The following MCPH1 variants were observed in gnomAD, a reference collection of about 807,000 sequenced individuals.
MCPH1 encodes the protein microcephalin.
A neutral mutation model predicts 84.5 loss-of-function variants in MCPH1; 104 were observed. That is an observed-to-expected ratio of 1.23 (90% CI 1.05 to 1.45). The LOEUF (loss-of-function observed/expected upper bound fraction) is 1.45. Among genes scored for constraint, MCPH1 ranks in the 40% most tolerant of loss-of-function variants. The probability of loss-of-function intolerance (pLI) is 0.00; values close to 1 mark genes in which losing one functional copy is unlikely to be tolerated. For missense variants in MCPH1, 1,498 were observed against 1,005.7 expected, an observed-to-expected ratio of 1.49 and a Z score of -6.62; for synonymous variants, 514 against 366.8, an observed-to-expected ratio of 1.40 and a Z score of -4.58.
intron 10 of MCPH1, among the ~76,000 whole-genome samples, chr8:6,479,140 G>A (rs1189981324): frequency 6.6e-6 from 1 of 152,122 alleles, no homozygotes; most frequent in African/African-American, 2.4e-5. Context: ...GTGGTGAATT[G>A]CCTATAGTCC....
In MCPH1 at chr8:6,632,121, A is replaced by G. The variant is rs1182893607; in HGVS notation, c.2452+10430A>G. ...TCATACGACTACACTTATAAGAGGA[A>G]CTTAGAATAGACAAAGTCACAGAGA... is the stretch of plus-strand genomic sequence containing the variant. On this transcript the variant is annotated intron_variant, in intron 13 of 13. Transcript: ENST00000344683. Among the ~76,000 whole-genome samples, 11 of 152,366 alleles carry G rather than the reference A, an allele frequency of 7.2e-5. No individual in the cohort carries two copies. In the South Asian group the frequency reaches 2.1e-3, roughly 29 times the overall value.
At chr8:6,489,135 C>A (rs1039175387) in intron 11 of MCPH1, among the ~76,000 whole-genome samples, 1 of 152,080 alleles carries the variant, frequency 6.6e-6, no homozygotes, top group Non-Finnish European at 1.5e-5. Context: ...GAGATTCCTA[C>A]TGGACATTCA....
At chr8:6,642,949 G>C (rs1351322190) in intron 13 of MCPH1, 45 bp from the exon 14 acceptor site, 1 of 1,560,524 alleles carries the variant, frequency 6.4e-7, no homozygotes, top group Admixed American at 1.7e-5. Context: ...TTTCCTATGT[G>C]GCTGGCTATT....
At chr8:6,500,132 G>C in intron 12 of MCPH1, 1 of 578,516 alleles carries the variant, frequency 1.7e-6, no homozygotes, top group Non-Finnish European at 3.1e-6. Flanking sequence ...GCAAAAAGTA[G>C]TGAGGAATGC....
At chr8:6,561,314 T>G (rs1272015598) in intron 12 of MCPH1, among the ~76,000 whole-genome samples, 3 of 152,172 alleles carry the variant, frequency 2.0e-5, no homozygotes, top group Non-Finnish European at 4.4e-5. Context: ...TTTTGGTAAG[T>G]TTTTGTTGTT....
intron 12 of MCPH1, chr8:6,621,145 T>G: frequency 2.4e-6 from 1 of 414,058 alleles, no homozygotes; most frequent in Non-Finnish European, 4.5e-6. Context: ...TAGCTATGGC[T>G]CTGCTGTGCT....
At chr8:6,524,965 C>T (rs1456498181) in intron 12 of MCPH1, among the ~76,000 whole-genome samples, 1 of 152,226 alleles carries the variant, frequency 6.6e-6, no homozygotes, top group African/African-American at 2.4e-5. Flanking sequence ...TGCTGTGGAC[C>T]TCAGGTGCAT....
rs77167947 is a variant in MCPH1 at position 6,556,055 on chromosome 8, C to T, written c.2214+56126C>T. ...CTGATGCTGGCCTAGGAGTGCCCTG[C>T]ACTCGTCTCAAGATCGATGTCCCAG... On this transcript the variant is annotated intron_variant, in intron 12 of 13. Transcript: ENST00000344683. 4.3e-4 allele frequency among the ~76,000 whole-genome samples: 65 copies of T among 152,316 alleles called. 1 individual carries two copies. In the East Asian group the frequency reaches 0.01, roughly 24 times the overall value.
chr8:6,480,820 A>T lies in MCPH1; in HGVS notation c.2080A>T (p.Thr694Ser). ...CGTGCTTTCCGGGAAGCCACTTCGC[A>T]CCCTGAATGTGCTGCTGGGAATTGC... is the stretch of plus-strand genomic sequence containing the variant. ...THVLSGKPLRTLNVLLGIARG... is the reference protein window; with the variant it reads ...THVLSGKPLRSLNVLLGIARG... The change falls in exon 11 of 14, where the codon ACC (threonine) becomes TCC (serine). Residue 694 changes from threonine to serine, a missense_variant. Transcript: ENST00000344683. The T allele has an allele frequency of 6.2e-7, 1 of 1,614,176 alleles. No individual in the cohort carries two copies. Among genetic ancestry groups the T allele is most frequent in the Non-Finnish European group, 8.5e-7 (1 of 1,180,024 alleles).
At chr8:6,532,507 G>C in intron 12 of MCPH1, 1 of 1,569,728 alleles carries the variant, frequency 6.4e-7, no homozygotes, top group East Asian at 2.3e-5. Context: ...AACAGTGTTA[G>C]AAGGCAGTCA....
intron 12 of MCPH1, among the ~76,000 whole-genome samples, chr8:6,541,692 A>G (rs1414646695): frequency 2.6e-5 from 4 of 151,998 alleles, no homozygotes; most frequent in African/African-American, 9.7e-5. Context: ...ATATAAAACT[A>G]TTTTCTTTTT....
chr8:6,604,234 G>C (rs1168754710), intron 12 of MCPH1, among the ~76,000 whole-genome samples: 2 of 151,980 alleles, frequency 1.3e-5, no homozygotes, highest in South Asian at 2.1e-4. Context: ...AGCCATCCCA[G>C]ACACAGCTTC....
At chr8:6,450,880 C>A (rs1172457949) in intron 8 of MCPH1, among the ~76,000 whole-genome samples, 1 of 152,020 alleles carries the variant, frequency 6.6e-6, no homozygotes, top group Non-Finnish European at 1.5e-5. Context: ...GTAGCTGGGA[C>A]TACAGACGCA....
intron 12 of MCPH1, among the ~76,000 whole-genome samples, chr8:6,589,956 G>C (rs373899435): frequency 6.6e-5 from 10 of 152,300 alleles, no homozygotes; most frequent in African/African-American, 2.2e-4. Flanking sequence ...TTACTCTAAA[G>C]TATCTAAAAG....
At position 6,570,508 on chromosome 8, in the gene MCPH1, T is replaced by C. The variant is rs762830301; in HGVS notation, c.2215-50946T>C. ...AGTTGTGTTTTCATTTGCGGGTAGATAGAGTAAGCGCAGGAGTTAAAGGAC... is the reference window on the plus strand; with the variant it reads ...AGTTGTGTTTTCATTTGCGGGTAGACAGAGTAAGCGCAGGAGTTAAAGGAC... On this transcript the variant is annotated intron_variant, in intron 12 of 13. Coordinates refer to ENST00000344683, the MANE Select transcript of MCPH1 (RefSeq NM_024596.5). Among the ~76,000 whole-genome samples the C allele has an allele frequency of 2.0e-4, 30 of 152,204 alleles. 1 individual carries two copies. Among genetic ancestry groups the C allele is most frequent in the Non-Finnish European group, 2.9e-4 (20 of 68,040 alleles).
chr8:6,542,480 G>T (rs1416358814), intron 12 of MCPH1, among the ~76,000 whole-genome samples: 1 of 152,088 alleles, frequency 6.6e-6, no homozygotes, highest in African/African-American at 2.4e-5. Flanking sequence ...GTCACTGTAA[G>T]AGGGACGCTA....
chr8:6,445,757 T>G, intron 8 of MCPH1: 1 of 1,361,404 alleles, frequency 7.3e-7, no homozygotes, highest in Non-Finnish European at 9.4e-7. Flanking sequence ...ATTGGTTAAG[T>G]CTGTTAGGAA....
intron 13 of MCPH1, 90 bp downstream of exon 13, chr8:6,621,781 C>T (rs958629165): frequency 1.7e-5 from 26 of 1,562,690 alleles, no homozygotes; most frequent in Non-Finnish European, 2.3e-5. Context: ...CACCCCCTTC[C>T]ACGCAGCTGG....
In MCPH1 at chr8:6,647,472, T is replaced by C. The variant is rs114551791; in HGVS notation, c.*4423T>C. 5.9e-4 allele frequency: 90 copies of C among 152,332 alleles called. No individual in the cohort carries two copies. The highest frequency in any genetic ancestry group is 2.1e-3 in the African/African-American group (86 of 41,586). 9.4% of individuals were successfully genotyped at this position (152,332 alleles called of 1,614,324 possible). A position where few individuals can be genotyped will look rare whatever the true frequency, so the allele number is the denominator to read the frequency against. On this transcript the variant is annotated 3_prime_UTR_variant, in exon 14 of 14. Coordinates refer to ENST00000344683, the MANE Select transcript of MCPH1 (RefSeq NM_024596.5). ...ACATGGATCTGCACAAGGTCTTGTA[T>C]ACAAATGTTCATAGCAACATTATTC...
Sources: gnomAD v4.1 joint callset for allele counts (sites outside exome capture counted in the v4.1 genomes callset) on GRCh38, gnomAD v4.1.1 for gene constraint, MANE v1.5 for transcripts, NCBI Gene and HGNC (gene_info 2026-07-23, HGNC 2026-07-21) for gene names.